The following KCNU1 variants were observed in gnomAD, a reference collection of about 807,000 sequenced individuals.
KCNU1 encodes the protein potassium calcium-activated channel subfamily U member 1.
In KCNU1, 93 loss-of-function variants were observed where a neutral mutation model predicts 126.8. The observed-to-expected ratio is 0.73, with a 90% confidence interval of 0.62 to 0.87. The LOEUF (loss-of-function observed/expected upper bound fraction) is 0.87, where lower values mean the gene tolerates loss of function less well. Among genes scored for constraint, KCNU1 ranks in the 40% least tolerant of loss-of-function variants. KCNU1 has a pLI of 0.00. For missense variants in KCNU1, 1,330 were observed against 1,367.1 expected (o/e 0.97, Z 0.43); for synonymous variants, 523 against 494.2 (o/e 1.06, Z -0.77).
At chr8:36,887,816 C>A (rs925576533) in intron 19 of KCNU1, among the ~76,000 whole-genome samples, 4 of 152,132 alleles carry the variant, frequency 2.6e-5, no homozygotes, top group African/African-American at 9.7e-5. Context: ...GGGTACATGA[C>A]TTAACCCTTG....
chr8:36,889,227 GCTCTGCTGAACTACCGTAAGGATGGT>G (rs775069693), intron 19 of KCNU1: 1 of 534,342 alleles, frequency 1.9e-6, no homozygotes, highest in Non-Finnish European at 3.8e-6. Flanking sequence ...TGGCATGGTT[GCTCTGCTGAACTACCGTAAGGATGGT>G]CAGTATGACC....
At chr8:36,788,943 A>G (rs1802806405) in intron 2 of KCNU1, among the ~76,000 whole-genome samples, 1 of 152,244 alleles carries the variant, frequency 6.6e-6, no homozygotes, top group African/African-American at 2.4e-5. Flanking sequence ...GAATGATGAA[A>G]AATTACATAC....
rs553278521 is a variant in KCNU1 at position 36,899,957 on chromosome 8, G to A, written c.2010-5751G>A. 5.9e-5 allele frequency among the ~76,000 whole-genome samples: 9 copies of A among 152,224 alleles called. No homozygotes were observed. In the South Asian group the frequency reaches 1.2e-3, roughly 21 times the overall value. ...GAAACCCAAGCAAAGCAGAATGGCC[G>A]GTAGACAGTGTGTTTATTTTCCTCT... On this transcript the variant is annotated intron_variant, in intron 19 of 26. Transcript: ENST00000399881.
In KCNU1 at chr8:36,877,850, A is replaced by C. The variant is rs149182133; in HGVS notation, c.2009+13329A>C. On this transcript the variant is annotated intron_variant, in intron 19 of 26. Transcript: ENST00000399881. ...CAATGCCCGTTATCATATAGCTCCT[A>C]TCTCTCAAAAGCCCTCTAAACTCGA... Among the ~76,000 whole-genome samples, 1,025 of 152,218 alleles carry C rather than the reference A, an allele frequency of 6.7e-3. 5 individuals carry two copies. Among genetic ancestry groups the C allele is most frequent in the Middle Eastern group, 0.024 (7 of 294 alleles).
chr8:36,841,494 G>A (rs1585443817), intron 16 of KCNU1, among the ~76,000 whole-genome samples: 1 of 152,054 alleles, frequency 6.6e-6, no homozygotes, highest in Non-Finnish European at 1.5e-5. Flanking sequence ...GAGTTCAAGA[G>A]CAGCCTGGCC....
chr8:36,835,784 C>T (rs1033458442), intron 12 of KCNU1, among the ~76,000 whole-genome samples: 4 of 152,106 alleles, frequency 2.6e-5, no homozygotes, highest in Non-Finnish European at 5.9e-5. Context: ...TTCCAATCTC[C>T]AGAGTAAAAT....
intron 22 of KCNU1, 47 bp downstream of exon 22, chr8:36,911,166 A>G: frequency 6.9e-7 from 1 of 1,447,756 alleles, no homozygotes; most frequent in African/African-American, 1.4e-5. Context: ...GTATGGAAAA[A>G]AAGAGATAAT....
intron 2 of KCNU1, chr8:36,795,761 T>C (rs1301250782): frequency 6.6e-6 from 1 of 152,194 alleles, no homozygotes; most frequent in Non-Finnish European, 1.5e-5. Flanking sequence ...CTTTGATGAG[T>C]GTCTTTCTGA....
At chr8:36,927,396 A>G (rs2117604542) in intron 24 of KCNU1, among the ~76,000 whole-genome samples, 1 of 152,258 alleles carries the variant, frequency 6.6e-6, no homozygotes, top group Admixed American at 6.5e-5. Context: ...TGCTGTAAAC[A>G]TTCAAATATG....
intron 6 of KCNU1, among the ~76,000 whole-genome samples, chr8:36,807,827 A>G (rs1585397769): frequency 6.6e-6 from 1 of 152,140 alleles, no homozygotes; most frequent in East Asian, 1.9e-4. Flanking sequence ...AAAAAAAGAA[A>G]CACTTCTTCA....
At chr8:36,837,194 G>T (rs1318552386) in intron 14 of KCNU1, among the ~76,000 whole-genome samples, 1 of 151,942 alleles carries the variant, frequency 6.6e-6, no homozygotes, top group Non-Finnish European at 1.5e-5. Context: ...ATATAACTCT[G>T]CTTCCTACCT....
At chr8:36,895,412 A>C (rs1807150684) in intron 19 of KCNU1, among the ~76,000 whole-genome samples, 1 of 152,084 alleles carries the variant, frequency 6.6e-6, no homozygotes, top group South Asian at 2.1e-4. Flanking sequence ...GATCAAGATT[A>C]AAATGTTTCT....
intron 7 of KCNU1, among the ~76,000 whole-genome samples, chr8:36,809,575 C>T (rs1300006950): frequency 6.6e-6 from 1 of 152,108 alleles, no homozygotes; most frequent in Non-Finnish European, 1.5e-5. Context: ...AGGATATGAA[C>T]CTTCAAGAAA....
intron 3 of KCNU1, 57 bp downstream of exon 3, chr8:36,804,145 T>G (rs1289703000): frequency 8.2e-7 from 1 of 1,220,072 alleles, no homozygotes; most frequent in African/African-American, 1.5e-5. Flanking sequence ...CTCGGCTAAT[T>G]TGGAATTTTC....
chr8:36,805,694 T>C (rs1216049818), intron 4 of KCNU1, among the ~76,000 whole-genome samples: 1 of 152,150 alleles, frequency 6.6e-6, no homozygotes, highest in Non-Finnish European at 1.5e-5. Context: ...GTTACACTCA[T>C]TTGTTAAATA....
Position 36,882,532 on chromosome 8 carries a change from G to A in KCNU1, c.2009+18011G>A, listed in dbSNP as rs187886527. Among the ~76,000 whole-genome samples, 512 of 151,970 alleles carry A rather than the reference G, an allele frequency of 3.4e-3. 1 individual carries two copies. Among genetic ancestry groups the A allele is most frequent in the Non-Finnish European group, 4.6e-3 (315 of 67,980 alleles). On this transcript the variant is annotated intron_variant, in intron 19 of 26. Coordinates refer to ENST00000399881, the MANE Select transcript of KCNU1 (RefSeq NM_001031836.3). ...AAAGGACATTTGCATAAACCCCATC[G>A]TCCTCACCAAATTGGCAGCACTGAG...
intron 1 of KCNU1, 50 bp from the exon 2 acceptor site, chr8:36,787,256 C>T: frequency 6.6e-7 from 1 of 1,517,572 alleles, no homozygotes; most frequent in Non-Finnish European, 8.9e-7. Flanking sequence ...GAACAGATTT[C>T]TTTCTCTCAG....
Position 36,935,661 on chromosome 8 carries a change from A to C in KCNU1, c.3191A>C (p.Gln1064Pro). 5 of 1,613,540 alleles carry C rather than the reference A, an allele frequency of 3.1e-6. No individual in the cohort carries two copies. The highest frequency in any genetic ancestry group is 4.2e-6 in the Non-Finnish European group (5 of 1,179,586). ...KSYEIVNKAS[Q>P]TTETHSDTNC... ...TATGAAATTGTAAATAAAGCATCACAGACAACAGAGACACATTCAGACACA... is the reference window on the plus strand; with the variant it reads ...TATGAAATTGTAAATAAAGCATCACCGACAACAGAGACACATTCAGACACA... Residue 1064 changes from glutamine (Q) to proline (P), a missense_variant, in exon 27 of 27, where the codon CAG becomes CCG. Physicochemically the swap from Gln to Pro is moderately conservative, Grantham distance 76. This residue lies in a region of KCNU1 where 1,054 missense variants were observed against 1,053.9 expected (regional missense o/e 1.00). Transcript: ENST00000399881.
At chr8:36,821,601 A>G (rs981484534) in intron 10 of KCNU1, among the ~76,000 whole-genome samples, 3 of 152,170 alleles carry the variant, frequency 2.0e-5, no homozygotes, top group African/African-American at 4.8e-5. Flanking sequence ...AGTATTTTGT[A>G]CAAGGGAGGG....
Sources: allele counts gnomAD v4.1 joint callset (sites outside exome capture counted in the v4.1 genomes callset), GRCh38; gene constraint gnomAD v4.1.1; regional missense constraint gnomAD v4.1.1; transcripts MANE v1.5; gene names NCBI Gene and HGNC (gene_info 2026-07-23, HGNC 2026-07-21).